Variants in SCRIB observed in about 807,000 individuals in gnomAD.
SCRIB encodes the protein protein scribble homolog.
A neutral mutation model predicts 170.0 loss-of-function variants in SCRIB; 72 were observed. That is an observed-to-expected ratio of 0.42 (90% CI 0.35 to 0.52). The LOEUF is 0.52. Ranked by LOEUF, SCRIB falls within the 20% of genes least tolerant of loss-of-function variation. The probability of loss-of-function intolerance (pLI) is 0.02; values close to 1 mark genes in which losing one functional copy is unlikely to be tolerated. For missense variants in SCRIB, 2,475 were observed against 2,338.5 expected, an observed-to-expected ratio of 1.06 and a Z score of -1.20; for synonymous variants, 1,298 against 1,044.3, an observed-to-expected ratio of 1.24 and a Z score of -4.68.
intron 34 of SCRIB, 31 bp from the exon 35 acceptor site, chr8:143,791,771 A>G (rs1554632723): frequency 2.2e-6 from 3 of 1,376,480 alleles, no homozygotes; most frequent in Non-Finnish European, 3.0e-6. Context: ...GGAGAGGCAG[A>G]GAGTGAGAGG....
At chr8:143,814,770 G>C (rs1815976027) in intron 1 of SCRIB, 1 of 175,492 alleles carries the variant, frequency 5.7e-6, no homozygotes, top group African/African-American at 2.4e-5. Context: ...CAAGGGTAAA[G>C]AAAGGGGGAC....
In SCRIB at chr8:143,808,917, T is replaced by C. The variant is rs777737662; in HGVS notation, c.1807A>G (p.Ile603Val). The C allele has an allele frequency of 3.7e-6, 6 of 1,611,386 alleles. No homozygotes were observed. Among genetic ancestry groups the C allele is most frequent in the Admixed American group, 3.3e-5 (2 of 60,022 alleles). The change falls in exon 15 of 37, where the codon ATC becomes GTC. Residue 603 changes from isoleucine (I) to valine (V), a missense_variant. By Grantham distance (29) the Ile-to-Val change is conservative. Around this residue, in one of 3 missense-constraint regions of SCRIB, gnomAD observed 1,966 missense variants for 1,742.9 expected, o/e 1.13. Transcript: ENST00000356994. ...TTGTAGTGAGGTGTGTCCTTGCGGA[T>C]GAGCCGCTGCCTCCCGCCTGGCAGG... ...WTLPGGRQRL[I>V]RKDTPHYKKH...
rs540420684 is a variant in SCRIB, at chr8:143,809,097, G to C, written c.1699-72C>G. 6.4e-5 allele frequency: 98 copies of C among 1,521,556 alleles called. 1 individual carries two copies. In the Middle Eastern group the frequency reaches 9.7e-4, roughly 15 times the overall value. 94.3% of individuals were successfully genotyped at this position (1,521,556 alleles called of 1,614,324 possible). A position where few individuals can be genotyped will look rare whatever the true frequency, so the allele number is the denominator to read the frequency against. ...TTCCACAGGAAGACCCTACTAAACAGTGTGGCCACAGACGGGCTCCGAAAG... is the reference window on the plus strand; with the variant it reads ...TTCCACAGGAAGACCCTACTAAACACTGTGGCCACAGACGGGCTCCGAAAG... On this transcript the variant is annotated intron_variant, in intron 14 of 36. Transcript: ENST00000356994.
chr8:143,805,030 G>A lies in SCRIB; in HGVS notation c.2671-16C>T, dbSNP rs1277366058. ...CGAAGATGCCCTGCAGGGGAGGGTG[G>A]AGGAGGCAGGGCTGCCGGTGAGGCT... On this transcript the variant is annotated splice_polypyrimidine_tract_variant and intron_variant, in intron 19 of 36. Transcript: ENST00000356994. 1.3e-6 allele frequency: 2 copies of A among 1,585,144 alleles called. No homozygotes were observed. The highest frequency in any genetic ancestry group is 2.7e-5 in the African/African-American group (2 of 74,578).
rs200342561 is a variant in SCRIB at position 143,804,171 on chromosome 8, C to T, written c.3010-15G>A. 1.6e-4 allele frequency: 250 copies of T among 1,582,206 alleles called. No homozygotes were observed. The highest frequency in any genetic ancestry group is 6.7e-4 in the Middle Eastern group (4 of 5,964). On this transcript the variant is annotated splice_polypyrimidine_tract_variant and intron_variant, in intron 21 of 36. Transcript: ENST00000356994. ...AGACGGATCTCCTGGGGATTTAGGG[C>T]GGGACAAGGACAGGCCTCGGTCAGG...
Position 143,811,058 on chromosome 8 carries a change from G to A in SCRIB, c.1121C>T (p.Pro374Leu). 1.2e-6 allele frequency: 2 copies of A among 1,611,888 alleles called. No individual in the cohort carries two copies. The highest frequency in any genetic ancestry group is 1.7e-6 in the Non-Finnish European group (2 of 1,179,498). Residue 374 changes from proline (P) to leucine (L), a missense_variant, in exon 11 of 37, where the codon CCG becomes CTG. Pro to Leu is a moderately conservative substitution (Grantham distance 98). Around this residue, in one of 3 missense-constraint regions of SCRIB, gnomAD observed 487 missense variants for 558.1 expected, o/e 0.87. Transcript: ENST00000356994. ...GAGATTGAGGTGGGTGAGCGCGAAC[G>A]GCAGACTCTGCAGGCTGCGGGCCGG... Reference protein sequence around the residue: ...DVAGNRLQSLPFALTHLNLKA... With the variant: ...DVAGNRLQSLLFALTHLNLKA...
chr8:143,812,025 C>T (rs1343033135), intron 9 of SCRIB, among the ~76,000 whole-genome samples: 2 of 152,204 alleles, frequency 1.3e-5, no homozygotes, highest in Non-Finnish European at 2.9e-5. Context: ...TTACAACATA[C>T]AGCGATAAAC....
chr8:143,804,485 A>C (rs1815319675), intron 21 of SCRIB, 83 bp downstream of exon 21: 2 of 1,378,156 alleles, frequency 1.5e-6, no homozygotes, highest in Admixed American at 5.4e-5. Context: ...GTGGGCCGCA[A>C]GGCCATAAGA....
In SCRIB at chr8:143,809,680, G is replaced by A. The variant is rs1215668269; in HGVS notation, c.1569C>T (p.Asp523=). Residue 523 remains aspartate, a synonymous_variant, in exon 14 of 37, where the codon GAC becomes GAT. Coordinates refer to ENST00000356994, the MANE Select transcript of SCRIB (RefSeq NM_182706.5). The stretch of plus-strand genomic sequence containing the variant: ...AGACTGTGCTGGCAGATGGGCGAGA[G>A]TCTTCACTCAGGCCAGACTCGGCAC... ...RLSAESGLSE[D]SRPSASTVSE... 6.2e-7 allele frequency: 1 copy of A among 1,610,894 alleles called. No individual in the cohort carries two copies. The highest frequency in any genetic ancestry group is 1.7e-5 in the Admixed American group (1 of 59,980).
intron 25 of SCRIB, 27 bp downstream of exon 25, chr8:143,795,393 G>A: frequency 6.2e-7 from 1 of 1,612,596 alleles, no homozygotes; most frequent in Non-Finnish European, 8.5e-7. Flanking sequence ...CCTGGCCCTG[G>A]GGCTGCCGGC....
chr8:143,794,819 CAG>C lies in SCRIB; in HGVS notation c.3846+217_3846+218del, dbSNP rs527755454. Among the ~76,000 whole-genome samples, 23 of 152,254 alleles carry C rather than the reference CAG, an allele frequency of 1.5e-4. No individual in the cohort carries two copies. In the South Asian group the frequency reaches 2.1e-3, roughly 14 times the overall value. On this transcript the variant is annotated intron_variant, in intron 27 of 36. Coordinates refer to ENST00000356994, the MANE Select transcript of SCRIB (RefSeq NM_182706.5). ...CGGCCTGTGTCACCCATCCGCAGCT[CAG>C]GGTGTGTGGGTGGGGCAGCACCAAC...
intron 30 of SCRIB, 21 bp downstream of exon 30, chr8:143,792,687 C>T (rs1400595726): frequency 1.3e-6 from 2 of 1,587,994 alleles, no homozygotes; most frequent in African/African-American, 2.7e-5. Context: ...CCAACCCCCA[C>T]CCCACTTCCG....
intron 13 of SCRIB, 62 bp downstream of exon 13, chr8:143,810,417 G>A: frequency 6.3e-7 from 1 of 1,580,360 alleles, no homozygotes; most frequent in Non-Finnish European, 8.6e-7. Context: ...CTCCCAGGAT[G>A]GACCGGACCA....
At chr8:143,795,658 T>A (rs1814913058) in intron 24 of SCRIB, 128 bp from the exon 25 acceptor site, 1 of 802,060 alleles carries the variant, frequency 1.2e-6, no homozygotes, top group East Asian at 2.7e-5. Context: ...TGGGCAGGGC[T>A]GACCGCGTGG....
chr8:143,796,814 C>T (rs2130019530), intron 24 of SCRIB, among the ~76,000 whole-genome samples: 2 of 152,290 alleles, frequency 1.3e-5, no homozygotes, highest in South Asian at 4.1e-4. Context: ...GGGGTCCTGG[C>T]AGAGTGGGAA....
chr8:143,815,380 G>A lies in SCRIB; in HGVS notation c.-8C>T, dbSNP rs547745588. On this transcript the variant is annotated 5_prime_UTR_variant, in exon 1 of 37. Transcript: ENST00000356994. ...CGGGATGCACTTGAGCATGGTGCGG[G>A]TGGGCGGCGCGGGCTCCGGCGGCGG... 5 of 1,347,322 alleles carry A rather than the reference G, an allele frequency of 3.7e-6. No individual in the cohort carries two copies. The highest frequency in any genetic ancestry group is 3.0e-5 in the African/African-American group (2 of 66,710). The allele number at this position is 1,347,322 out of a possible 1,614,324, so 83.5% of individuals were successfully genotyped here.
rs1463583812 is a variant in SCRIB, at chr8:143,815,458, G to C, written c.-86C>G. On this transcript the variant is annotated 5_prime_UTR_variant, in exon 1 of 37. Transcript: ENST00000356994. ...GGGGCTCAGTCCGCATGGGCGCCGCGCATGGGGAGGGGGCGCAGGCAGGGG... is the reference window on the plus strand; with the variant it reads ...GGGGCTCAGTCCGCATGGGCGCCGCCCATGGGGAGGGGGCGCAGGCAGGGG... 9 of 1,116,714 alleles carry C rather than the reference G, an allele frequency of 8.1e-6. No homozygotes were observed. Among genetic ancestry groups the C allele is most frequent in the African/African-American group, 3.3e-5 (2 of 59,986 alleles). 69.2% of individuals were successfully genotyped at this position (1,116,714 alleles called of 1,614,324 possible).
chr8:143,802,154 C>T (rs1250169257), intron 24 of SCRIB, among the ~76,000 whole-genome samples: 4 of 152,270 alleles, frequency 2.6e-5, no homozygotes, highest in Non-Finnish European at 5.9e-5. Context: ...TCAGATAAAT[C>T]CTTCCCCAGA....
intron 29 of SCRIB, 23 bp downstream of exon 29, chr8:143,792,953 G>T: frequency 6.7e-7 from 1 of 1,501,776 alleles, no homozygotes. Flanking sequence ...CGCGCAGCAG[G>T]GAGGCGTGCT....
Sources: allele counts gnomAD v4.1 joint callset (sites outside exome capture counted in the v4.1 genomes callset), GRCh38; gene constraint gnomAD v4.1.1; regional missense constraint gnomAD v4.1.1; transcripts MANE v1.5; gene names NCBI Gene and HGNC (gene_info 2026-07-23, HGNC 2026-07-21).